Variants in SORCS3 observed in about 807,000 individuals in gnomAD.
SORCS3 encodes sortilin related VPS10 domain containing receptor 3.
In SORCS3, 57 loss-of-function variants were observed where a neutral mutation model predicts 146.3. The ratio of observed to expected loss-of-function variants is 0.39; its 90% confidence interval spans 0.31 to 0.49. SORCS3 has a LOEUF of 0.49. SORCS3 is among the 20% of genes least tolerant of loss of function. The probability of loss-of-function intolerance (pLI) is 0.92; values close to 1 mark genes in which losing one functional copy is unlikely to be tolerated. For missense variants in SORCS3, 1,341 were observed against 1,575.5 expected, an observed-to-expected ratio of 0.85 and a Z score of 2.52; for synonymous variants, 653 against 618.5, an observed-to-expected ratio of 1.06 and a Z score of -0.83.
At chr10:104,753,859 AT>A (rs1175892332) in intron 1 of SORCS3, among the ~76,000 whole-genome samples, 5 of 152,198 alleles carry the variant, frequency 3.3e-5, no homozygotes, top group Admixed American at 2.0e-4. Context: ...AGCTACAAGA[AT>A]TTTGGGCTAT....
intron 3 of SORCS3, among the ~76,000 whole-genome samples, chr10:104,916,875 C>T (rs1423842903): frequency 6.6e-6 from 1 of 152,146 alleles, no homozygotes; most frequent in Admixed American, 6.5e-5. Context: ...AGCTTCAAAC[C>T]ATTGTGCGGA....
At chr10:105,141,467 G>A (rs991261746) in intron 8 of SORCS3, among the ~76,000 whole-genome samples, 31 of 152,324 alleles carry the variant, frequency 2.0e-4, no homozygotes, top group African/African-American at 6.3e-4. Flanking sequence ...TTTTAAGCAA[G>A]TTTTGCTGTT....
In SORCS3 at chr10:105,164,375, G is replaced by C; in HGVS notation, c.1805G>C (p.Arg602Thr). 1 of 1,611,416 alleles carries C rather than the reference G, an allele frequency of 6.2e-7. No individual in the cohort carries two copies. The change falls in exon 12 of 27, where the codon AGA becomes ACA. Residue 602 changes from arginine to threonine, a missense_variant. By Grantham distance (71) the Arg-to-Thr change is moderately conservative (BLOSUM62 -1). Coordinates refer to ENST00000369701, the MANE Select transcript of SORCS3 (RefSeq NM_014978.3). ...FISSDGGNTW[R>T]QIFDEEYNVW... ...TCCTCCGATGGGGGCAACACATGGA[G>C]ACAGGTAACTGGGTGAATTGACAAA...
intron 1 of SORCS3, among the ~76,000 whole-genome samples, chr10:104,710,630 C>T (rs1482032580): frequency 6.6e-6 from 1 of 152,192 alleles, no homozygotes; most frequent in Non-Finnish European, 1.5e-5. Context: ...GAGGGAACAG[C>T]ACATCCATGA....
intron 5 of SORCS3, among the ~76,000 whole-genome samples, chr10:105,070,009 A>G (rs2055546705): frequency 1.3e-5 from 2 of 152,104 alleles, no homozygotes; most frequent in African/African-American, 4.8e-5. Flanking sequence ...GAAGGGCTCT[A>G]CTGTGTTCAG....
intron 3 of SORCS3, among the ~76,000 whole-genome samples, chr10:104,944,385 G>T (rs932922320): frequency 2.0e-5 from 3 of 152,110 alleles, no homozygotes; most frequent in Non-Finnish European, 2.9e-5. Context: ...ATGAAATAAA[G>T]AATTATTTAA....
At chr10:105,223,016 A>C in intron 19 of SORCS3, 100 bp from the exon 20 acceptor site, 3 of 1,272,058 alleles carry the variant, frequency 2.4e-6, no homozygotes, top group Non-Finnish European at 3.2e-6. Context: ...CCTTTTTTAC[A>C]GGAGATGCGA....
intron 5 of SORCS3, among the ~76,000 whole-genome samples, chr10:105,068,030 C>T (rs914358672): frequency 2.0e-5 from 3 of 152,026 alleles, no homozygotes; most frequent in Non-Finnish European, 4.4e-5. Context: ...TCACACCCTA[C>T]TCTCTCCAGA....
intron 13 of SORCS3, among the ~76,000 whole-genome samples, chr10:105,177,613 C>T (rs2056415093): frequency 6.6e-6 from 1 of 152,154 alleles, no homozygotes; most frequent in Non-Finnish European, 1.5e-5. Context: ...ATGGTCCTAA[C>T]ATCTGTTTTG....
chr10:105,228,202 T>C (rs2056745321), intron 20 of SORCS3, among the ~76,000 whole-genome samples: 1 of 152,046 alleles, frequency 6.6e-6, no homozygotes, highest in Non-Finnish European at 1.5e-5. Flanking sequence ...TTGTTTATCA[T>C]AGTGGTTTTG....
chr10:104,824,587 C>A (rs2017914328), intron 1 of SORCS3, among the ~76,000 whole-genome samples: 1 of 152,194 alleles, frequency 6.6e-6, no homozygotes, highest in African/African-American at 2.4e-5. Context: ...AGCAGTGGTG[C>A]TGAACGCTGT....
At chr10:104,679,218 A>G (rs1256273930) in intron 1 of SORCS3, among the ~76,000 whole-genome samples, 1 of 152,226 alleles carries the variant, frequency 6.6e-6, no homozygotes, top group Non-Finnish European at 1.5e-5. Context: ...ATCTACCTTC[A>G]GAATTTCTTA....
At chr10:104,842,750 C>A in intron 1 of SORCS3, 42 bp from the exon 2 acceptor site, 1 of 1,501,668 alleles carries the variant, frequency 6.7e-7, no homozygotes, top group Non-Finnish European at 9.2e-7. Flanking sequence ...TTTTTCCCTC[C>A]CTTTGTTCCT....
chr10:104,972,062 T>C (rs564764252), intron 3 of SORCS3, among the ~76,000 whole-genome samples: 6 of 152,236 alleles, frequency 3.9e-5, no homozygotes, highest in Admixed American at 6.5e-5. Flanking sequence ...TTACTAGTAA[T>C]AATAGCTATG....
intron 23 of SORCS3, among the ~76,000 whole-genome samples, chr10:105,255,057 G>A (rs369046522): frequency 2.7e-4 from 40 of 150,478 alleles, no homozygotes; most frequent in African/African-American, 8.5e-4. Context: ...GCGAGGAGGC[G>A]TGCGCTTGTA....
chr10:105,175,150 C>A (rs967020462), intron 13 of SORCS3, among the ~76,000 whole-genome samples: 2 of 152,006 alleles, frequency 1.3e-5, no homozygotes, highest in Non-Finnish European at 2.9e-5. Flanking sequence ...CAGATTCAAG[C>A]GATTCTCCTG....
intron 14 of SORCS3, 62 bp from the exon 15 acceptor site, chr10:105,199,937 A>G (rs1467058897): frequency 5.0e-6 from 6 of 1,188,864 alleles, no homozygotes; most frequent in Admixed American, 1.7e-5. Context: ...GTTTCTGTGC[A>G]TTAGTGACTG....
intron 13 of SORCS3, among the ~76,000 whole-genome samples, chr10:105,177,419 A>C (rs1248718749): frequency 6.6e-6 from 1 of 152,156 alleles, no homozygotes; most frequent in African/African-American, 2.4e-5. Context: ...GGAAACAAGC[A>C]CTCAGAATTG....
intron 3 of SORCS3, among the ~76,000 whole-genome samples, chr10:104,975,124 T>C (rs370386671): frequency 7.9e-5 from 12 of 151,884 alleles, no homozygotes; most frequent in East Asian, 7.7e-4. Context: ...CAAATTGTCC[T>C]TGTTTGCAGA....
Sources: allele counts gnomAD v4.1 joint callset (sites outside exome capture counted in the v4.1 genomes callset), GRCh38; gene constraint gnomAD v4.1.1; transcripts MANE v1.5; gene names NCBI Gene and HGNC (gene_info 2026-07-23, HGNC 2026-07-21).